The following UBE3D variants were observed in gnomAD, a reference collection of about 807,000 sequenced individuals.
UBE3D encodes ubiquitin protein ligase E3D, also known as E3 ubiquitin-protein ligase E3D.
In UBE3D, 48 loss-of-function variants were observed where a neutral mutation model predicts 49.6. The ratio of observed to expected loss-of-function variants is 0.97; its 90% CI spans 0.77 to 1.23. The LOEUF (loss-of-function observed/expected upper bound fraction) is 1.23, where lower values mean the gene tolerates loss of function less well. Ranked by LOEUF, UBE3D falls within the 50% of genes most tolerant of loss-of-function variation. The pLI, the probability that UBE3D is intolerant of heterozygous loss-of-function variation, is 0.00. For synonymous variants in UBE3D, 189 were observed against 174.2 expected (o/e 1.08, Z -0.67); for missense variants, 452 against 468.4 (o/e 0.96, Z 0.32).
At chr6:82,891,929 C>T (rs566405622), downstream of UBE3D, among the ~76,000 whole-genome samples, 5 of 152,040 alleles carry the variant, frequency 3.3e-5, no homozygotes, top group East Asian at 5.8e-4. Flanking sequence ...TGGGAGCCTG[C>T]GGCAGGCAAA....
At chr6:82,966,083 C>T (rs976582606) in intron 8 of UBE3D, among the ~76,000 whole-genome samples, 4 of 152,018 alleles carry the variant, frequency 2.6e-5, no homozygotes, top group African/African-American at 9.7e-5. Context: ...TTTTTTTTTA[C>T]AGTTTGAGTT....
chr6:82,996,048 G>C (rs1274750697), intron 8 of UBE3D, among the ~76,000 whole-genome samples: 1 of 152,100 alleles, frequency 6.6e-6, no homozygotes, highest in Non-Finnish European at 1.5e-5. Flanking sequence ...CTGGGAGACA[G>C]AGCAAGACTC....
At chr6:83,031,048 C>A (rs1781830872) in intron 5 of UBE3D, among the ~76,000 whole-genome samples, 1 of 152,032 alleles carries the variant, frequency 6.6e-6, no homozygotes, top group Non-Finnish European at 1.5e-5. Flanking sequence ...CATTCTGTTG[C>A]CCAGGCTGGA....
At chr6:82,882,517 C>T in the UBE3D span, among the ~76,000 whole-genome samples, 1 of 152,154 alleles carries the variant, frequency 6.6e-6, no homozygotes, top group South Asian at 2.1e-4. Context: ...TCCACCTATG[C>T]TTTGTTTTGG....
chr6:83,043,797 C>T (rs565905267), intron 4 of UBE3D, among the ~76,000 whole-genome samples: 27 of 152,250 alleles, frequency 1.8e-4, no homozygotes, highest in African/African-American at 6.3e-4. Flanking sequence ...CAAGCCAATG[C>T]CATTGATTTT....
At chr6:83,035,839 C>G (rs766006358) in intron 5 of UBE3D, among the ~76,000 whole-genome samples, 2 of 152,084 alleles carry the variant, frequency 1.3e-5, no homozygotes, top group Non-Finnish European at 2.9e-5. Context: ...TCTAGAATTT[C>G]TATAAGCTAG....
intron 4 of UBE3D, 62 bp downstream of exon 4, chr6:83,044,366 T>C: frequency 2.7e-6 from 4 of 1,507,674 alleles, no homozygotes; most frequent in Non-Finnish European, 3.7e-6. Context: ...TAGGAAAAGA[T>C]TGAAGAAGTC....
intron 5 of UBE3D, among the ~76,000 whole-genome samples, chr6:83,026,030 G>A (rs1362552476): frequency 2.0e-5 from 3 of 151,562 alleles, no homozygotes; most frequent in Non-Finnish European, 1.5e-5. Context: ...GAAAAATACT[G>A]AAAACAAATG....
chr6:82,909,669 G>A (rs963190436), intron 9 of UBE3D, among the ~76,000 whole-genome samples: 2 of 152,190 alleles, frequency 1.3e-5, no homozygotes, highest in African/African-American at 2.4e-5. Flanking sequence ...GGTTGGAAAA[G>A]CTGCTCACAA....
At chr6:83,055,802 C>A (rs185416239) in intron 2 of UBE3D, among the ~76,000 whole-genome samples, 2 of 152,296 alleles carry the variant, frequency 1.3e-5, no homozygotes, top group East Asian at 3.9e-4. Flanking sequence ...TTTTAAAAAA[C>A]CCTGAAACAC....
At chr6:83,039,915 T>C (rs992865113) in intron 4 of UBE3D, among the ~76,000 whole-genome samples, 2 of 152,056 alleles carry the variant, frequency 1.3e-5, no homozygotes, top group African/African-American at 4.8e-5. Context: ...GCTGGGACTA[T>C]AGGCGTGAGC....
At chr6:83,053,829 A>G (rs763440964) in intron 3 of UBE3D, among the ~76,000 whole-genome samples, 17 of 152,196 alleles carry the variant, frequency 1.1e-4, no homozygotes, top group African/African-American at 1.7e-4. Context: ...GTCACTCAGC[A>G]TCGTGTTGGA....
chr6:82,967,794 G>A (rs1416516850), intron 8 of UBE3D, among the ~76,000 whole-genome samples: 2 of 151,356 alleles, frequency 1.3e-5, no homozygotes, highest in African/African-American at 2.4e-5. Context: ...GGTGTGCACT[G>A]TTACACCAGG....
chr6:82,998,474 G>A (rs892316551), intron 8 of UBE3D, among the ~76,000 whole-genome samples: 5 of 151,992 alleles, frequency 3.3e-5, no homozygotes, highest in African/African-American at 1.2e-4. Flanking sequence ...TCTCACATTA[G>A]GCCAATACAT....
intron 1 of UBE3D, among the ~76,000 whole-genome samples, chr6:83,064,058 A>C (rs1219869262): frequency 6.6e-6 from 1 of 152,216 alleles, no homozygotes; most frequent in Non-Finnish European, 1.5e-5. Context: ...AAGAAAAAGG[A>C]ATGGACTACT....
At chr6:83,002,977 T>C (rs1582607151) in intron 8 of UBE3D, among the ~76,000 whole-genome samples, 1 of 152,252 alleles carries the variant, frequency 6.6e-6, no homozygotes, top group South Asian at 2.1e-4. Flanking sequence ...ATTCTGGGGG[T>C]GTATTTACCA....
chr6:83,021,504 A>G (rs1201383752), intron 7 of UBE3D, among the ~76,000 whole-genome samples: 1 of 137,436 alleles, frequency 7.3e-6, no homozygotes, highest in African/African-American at 2.7e-5. Context: ...ACTAAATAGG[A>G]AAAAAAAAAA....
intron 5 of UBE3D, among the ~76,000 whole-genome samples, chr6:83,027,059 G>C (rs1035439237): frequency 6.6e-6 from 1 of 151,902 alleles, no homozygotes; most frequent in Non-Finnish European, 1.5e-5. Flanking sequence ...GAATATTCAC[G>C]ATTTTATCAA....
At chr6:82,974,203 A>G (rs1777550523) in intron 8 of UBE3D, among the ~76,000 whole-genome samples, 1 of 152,152 alleles carries the variant, frequency 6.6e-6, no homozygotes, top group Admixed American at 6.6e-5. Flanking sequence ...ATGTGTACGA[A>G]TCATCCCCAA....
Sources: allele counts gnomAD v4.1 joint callset (sites outside exome capture counted in the v4.1 genomes callset), GRCh38; gene constraint gnomAD v4.1.1; transcripts MANE v1.5; gene names NCBI Gene and HGNC (gene_info 2026-07-23, HGNC 2026-07-21).